GRID2: variants seen among roughly 807,000 people sequenced by gnomAD.
GRID2 encodes glutamate ionotropic receptor delta type subunit 2, also known as glutamate receptor ionotropic, delta-2.
A neutral mutation model predicts 114.8 loss-of-function variants in GRID2; 33 were observed. That is an observed-to-expected ratio of 0.29 (90% CI 0.22 to 0.38). The LOEUF (loss-of-function observed/expected upper bound fraction) is 0.38, where lower values mean the gene tolerates loss of function less well. Among genes scored for constraint, GRID2 ranks in the 10% least tolerant of loss-of-function variants. The pLI is 1.00. For synonymous variants in GRID2, 505 were observed against 449.9 expected (o/e 1.12, Z -1.55); for missense variants, 1,184 against 1,257.7 (o/e 0.94, Z 0.89).
intron 3 of GRID2, among the ~76,000 whole-genome samples, chr4:93,089,540 G>A (rs1223472193): frequency 6.6e-6 from 1 of 152,088 alleles, no homozygotes; most frequent in Non-Finnish European, 1.5e-5. Flanking sequence ...AAGCCACCTG[G>A]CTTTTTAAGG....
chr4:93,509,390 A>G (rs963965710), intron 12 of GRID2, among the ~76,000 whole-genome samples: 1 of 152,164 alleles, frequency 6.6e-6, no homozygotes. Flanking sequence ...AATCTAATTG[A>G]TAGGAAACAA....
chr4:93,448,297 C>T (rs1722284949), intron 10 of GRID2, among the ~76,000 whole-genome samples: 1 of 151,568 alleles, frequency 6.6e-6, no homozygotes, highest in Non-Finnish European at 1.5e-5. Flanking sequence ...AGGTTAAAAA[C>T]TATAATAAAA....
chr4:92,494,235 T>G (rs1723282801), intron 1 of GRID2, among the ~76,000 whole-genome samples: 1 of 152,068 alleles, frequency 6.6e-6, no homozygotes, highest in Admixed American at 6.6e-5. Flanking sequence ...GTTTATTCTT[T>G]GGAGAGAGAG....
intron 2 of GRID2, among the ~76,000 whole-genome samples, chr4:92,722,765 C>T (rs1220909134): frequency 1.3e-5 from 2 of 152,006 alleles, no homozygotes; most frequent in Admixed American, 6.6e-5. Context: ...GGATGATTTG[C>T]TCAAAGAAAC....
At chr4:93,486,646 G>A (rs537256123) in intron 11 of GRID2, among the ~76,000 whole-genome samples, 17 of 151,686 alleles carry the variant, frequency 1.1e-4, no homozygotes, top group Non-Finnish European at 2.1e-4. Flanking sequence ...TCCTAAAGTA[G>A]CGAATTACAA....
At chr4:92,517,965 T>A (rs1300473933) in intron 1 of GRID2, among the ~76,000 whole-genome samples, 3 of 151,886 alleles carry the variant, frequency 2.0e-5, no homozygotes, top group African/African-American at 7.2e-5. Context: ...CAAGATTTTA[T>A]AAGTAACTTC....
At chr4:92,477,115 G>A (rs2149101077) in intron 1 of GRID2, among the ~76,000 whole-genome samples, 1 of 148,450 alleles carries the variant, frequency 6.7e-6, no homozygotes, top group East Asian at 2.0e-4. Context: ...AGTATTGTTA[G>A]ACTATGAAAA....
intron 13 of GRID2, among the ~76,000 whole-genome samples, chr4:93,575,957 C>T (rs564599853): frequency 6.6e-6 from 1 of 152,208 alleles, no homozygotes; most frequent in South Asian, 2.1e-4. Flanking sequence ...TGGTTGTATT[C>T]CTAACCTTTT....
chr4:92,804,635 C>T (rs575042014), intron 2 of GRID2, among the ~76,000 whole-genome samples: 1 of 152,042 alleles, frequency 6.6e-6, no homozygotes, highest in Middle Eastern at 3.4e-3. Context: ...TCCTGTAAGA[C>T]TGCTTTAATT....
At chr4:93,161,500 T>G (rs1349272108) in intron 4 of GRID2, among the ~76,000 whole-genome samples, 3 of 151,844 alleles carry the variant, frequency 2.0e-5, no homozygotes, top group African/African-American at 4.8e-5. Context: ...TTATTTTCTA[T>G]TACAGCTGTG....
chr4:92,846,457 A>G (rs768948459), intron 2 of GRID2, among the ~76,000 whole-genome samples: 1 of 152,100 alleles, frequency 6.6e-6, no homozygotes, highest in Non-Finnish European at 1.5e-5. Context: ...TTGCTAGGAT[A>G]ATGGTCTCCC....
intron 2 of GRID2, among the ~76,000 whole-genome samples, chr4:92,611,078 ATG>A (rs1180461129): frequency 5.2e-5 from 7 of 134,942 alleles, no homozygotes; most frequent in Admixed American, 7.5e-5. Flanking sequence ...GTATATATAT[ATG>A]TGTGTATATA....
chr4:92,963,631 C>T (rs1369720850), intron 2 of GRID2, among the ~76,000 whole-genome samples: 1 of 152,018 alleles, frequency 6.6e-6, no homozygotes, highest in Non-Finnish European at 1.5e-5. Flanking sequence ...TTGAACTCCT[C>T]ACGGTCATTC....
intron 8 of GRID2, among the ~76,000 whole-genome samples, chr4:93,370,898 T>C (rs1762825681): frequency 6.6e-6 from 1 of 152,174 alleles, no homozygotes; most frequent in Non-Finnish European, 1.5e-5. Context: ...CATAAACTTC[T>C]GATGAACTAA....
intron 11 of GRID2, among the ~76,000 whole-genome samples, chr4:93,475,451 A>G (rs373353966): frequency 6.6e-6 from 1 of 152,116 alleles, no homozygotes; most frequent in Admixed American, 6.6e-5. Context: ...CAATAAAGTC[A>G]TTTTAATTTA....
At chr4:92,932,974 T>C (rs545770076) in intron 2 of GRID2, among the ~76,000 whole-genome samples, 1 of 151,132 alleles carries the variant, frequency 6.6e-6, no homozygotes, top group African/African-American at 2.4e-5. Context: ...TGGGAAATAA[T>C]GGGAAAAGTC....
intron 1 of GRID2, among the ~76,000 whole-genome samples, chr4:92,565,699 T>G (rs1410998399): frequency 2.0e-5 from 3 of 151,956 alleles, no homozygotes; most frequent in African/African-American, 7.2e-5. Context: ...ACTCCTATAG[T>G]GTGTGCTAAA....
chr4:93,674,329 G>A (rs1335307267), intron 14 of GRID2, among the ~76,000 whole-genome samples: 1 of 152,072 alleles, frequency 6.6e-6, no homozygotes, highest in Non-Finnish European at 1.5e-5. Context: ...TAATTATATT[G>A]AAGTGCCAGT....
chr4:93,799,189 ATAAG>A (rs1416551459), intron 1 of GRID2, among the ~76,000 whole-genome samples: 4 of 152,216 alleles, frequency 2.6e-5, no homozygotes, highest in African/African-American at 9.6e-5. Flanking sequence ...AAAGTTTACT[ATAAG>A]TAAGTCATTG....
Sources: gnomAD v4.1 joint callset for allele counts (sites outside exome capture counted in the v4.1 genomes callset) on GRCh38, gnomAD v4.1.1 for gene constraint, MANE v1.5 for transcripts, NCBI Gene and HGNC (gene_info 2026-07-23, HGNC 2026-07-21) for gene names.